The following WDPCP variants were observed in gnomAD, a reference collection of about 807,000 sequenced individuals.
The protein encoded by WDPCP is WD repeat containing planar cell polarity effector, also known as WD repeat-containing and planar cell polarity effector protein fritz homolog.
WDPCP carries 71 observed loss-of-function variants against 93.1 expected under a neutral mutation model. The observed-to-expected ratio is 0.76, with a 90% CI of 0.63 to 0.93. The LOEUF is 0.93. Among genes scored for constraint, WDPCP ranks in the 40% least tolerant of loss-of-function variants. The pLI is 0.00. For missense variants in WDPCP, 844 were observed against 887.4 expected (o/e 0.95, Z 0.62); for synonymous variants, 315 against 315.0 (o/e 1.00, Z 0.00).
At chr2:63,572,882 T>C (rs1707635640) in intron 1 of WDPCP, among the ~76,000 whole-genome samples, 1 of 151,854 alleles carries the variant, frequency 6.6e-6, no homozygotes, top group African/African-American at 2.4e-5. Context: ...AAATCTGATA[T>C]ACAAAGTTCT....
chr2:63,289,104 C>T (rs1684223511), intron 13 of WDPCP, among the ~76,000 whole-genome samples: 4 of 152,046 alleles, frequency 2.6e-5, no homozygotes. Context: ...AAAGTTATTC[C>T]TTTTCCCTTT....
chr2:63,412,568 T>C (rs1270652971), intron 9 of WDPCP, among the ~76,000 whole-genome samples: 1 of 152,066 alleles, frequency 6.6e-6, no homozygotes, highest in Non-Finnish European at 1.5e-5. Flanking sequence ...AGCAACCAAA[T>C]TGGTAAAGAG....
intron 8 of WDPCP, among the ~76,000 whole-genome samples, chr2:63,437,211 G>A (rs751079344): frequency 5.9e-5 from 9 of 151,860 alleles, no homozygotes; most frequent in Non-Finnish European, 1.2e-4. Flanking sequence ...TGCTCCAAAC[G>A]TGCCATTGTT....
chr2:63,708,666 T>A (rs1669209549), intron 2 of WDPCP, among the ~76,000 whole-genome samples: 1 of 152,122 alleles, frequency 6.6e-6, no homozygotes. Context: ...CCCAGTGAGA[T>A]GAACCCGGTA....
intron 17 of WDPCP, among the ~76,000 whole-genome samples, chr2:63,146,491 G>A (rs972536343): frequency 6.8e-6 from 1 of 146,438 alleles, no homozygotes; most frequent in Admixed American, 7.1e-5. Flanking sequence ...TGTAATCTCT[G>A]CCTCCGCCTC....
intron 14 of WDPCP, among the ~76,000 whole-genome samples, chr2:63,207,118 T>C (rs1466817667): frequency 3.9e-5 from 6 of 152,304 alleles, no homozygotes; most frequent in African/African-American, 1.4e-4. Flanking sequence ...GTTTTAAATG[T>C]AGATGTATTT....
intron 3 of WDPCP, chr2:63,643,452 AG>A: frequency 3.0e-6 from 1 of 331,580 alleles, no homozygotes; most frequent in Non-Finnish European, 5.9e-6. Flanking sequence ...GAAAAGATCC[AG>A]GATGTCTCTC....
At chr2:63,246,871 A>G (rs902753742) in intron 14 of WDPCP, among the ~76,000 whole-genome samples, 4 of 152,204 alleles carry the variant, frequency 2.6e-5, no homozygotes, top group African/African-American at 9.6e-5. Context: ...TTCATTGACC[A>G]ATGGTGAAAT....
At chr2:63,759,076 C>T (rs1362071198) in intron 2 of WDPCP, among the ~76,000 whole-genome samples, 2 of 150,532 alleles carry the variant, frequency 1.3e-5, no homozygotes, top group Non-Finnish European at 3.0e-5. Context: ...GCACCATGCA[C>T]GGCCAAAAAA....
chr2:63,652,780 C>A (rs1710122652), intron 2 of WDPCP, among the ~76,000 whole-genome samples: 1 of 131,628 alleles, frequency 7.6e-6, no homozygotes, highest in African/African-American at 2.9e-5. Context: ...TTAAGTCCAA[C>A]TCAGTGTGGG....
chr2:63,645,603 T>C (rs1162957328), intron 3 of WDPCP, among the ~76,000 whole-genome samples: 1 of 152,204 alleles, frequency 6.6e-6, no homozygotes, highest in Non-Finnish European at 1.5e-5. Flanking sequence ...AAGTGGAGAG[T>C]TGAAGTCTCC....
chr2:63,332,200 G>C (rs943022462), intron 12 of WDPCP, among the ~76,000 whole-genome samples: 4 of 151,298 alleles, frequency 2.6e-5, no homozygotes, highest in Admixed American at 2.6e-4. Context: ...TGGTTAGAAT[G>C]TATAAATATA....
intron 9 of WDPCP, among the ~76,000 whole-genome samples, chr2:63,430,817 G>A (rs1696697702): frequency 6.6e-6 from 1 of 152,214 alleles, no homozygotes; most frequent in South Asian, 2.1e-4. Flanking sequence ...GGGAGGCGGA[G>A]ATTGCAGTGA....
upstream of WDPCP, among the ~76,000 whole-genome samples, chr2:63,828,314 C>G (rs1671142549): frequency 1.3e-5 from 2 of 152,128 alleles, no homozygotes; most frequent in South Asian, 4.1e-4. Flanking sequence ...TGGCTCAAAC[C>G]TCTGCTCCAA....
chr2:63,733,299 A>G (rs1242888703), intron 2 of WDPCP, among the ~76,000 whole-genome samples: 1 of 143,020 alleles, frequency 7.0e-6, no homozygotes, highest in Non-Finnish European at 1.5e-5. Flanking sequence ...TCCCGGGTTC[A>G]CGCCATTCTC....
chr2:63,202,608 G>GT (rs1341744696), intron 14 of WDPCP, among the ~76,000 whole-genome samples: 3 of 152,078 alleles, frequency 2.0e-5, no homozygotes, highest in Non-Finnish European at 2.9e-5. Flanking sequence ...TTGCAGCCCT[G>GT]TAACTTCTGC....
chr2:63,766,348 T>C (rs1415835706), intron 2 of WDPCP, among the ~76,000 whole-genome samples: 1 of 151,916 alleles, frequency 6.6e-6, no homozygotes, highest in African/African-American at 2.4e-5. Context: ...TTTTTTTTTT[T>C]AGACAGGATC....
rs1005895705 is a variant in WDPCP, at chr2:63,684,681, A to G, written n.309-33843T>C. The G allele has an allele frequency of 8.8e-6, 6 of 678,574 alleles. No homozygotes were observed. The African/African-American group carries it at 8.9e-5, about 10-fold the overall frequency. 42.0% of individuals were successfully genotyped at this position (678,574 alleles called of 1,614,324 possible). A position where few individuals can be genotyped will look rare whatever the true frequency, so the allele number is the denominator to read the frequency against. On this transcript the variant is annotated intron_variant and non_coding_transcript_variant, in intron 2 of 4. Transcript: ENST00000467687. ...TTTGAAGAGAGATACAAGATAGGCA[A>G]GAACAAGTGGTTCTTCCAGAAGCTG...
At chr2:63,358,647 G>A (rs1171966265) in intron 12 of WDPCP, among the ~76,000 whole-genome samples, 3 of 152,044 alleles carry the variant, frequency 2.0e-5, no homozygotes, top group African/African-American at 7.2e-5. Flanking sequence ...TGTAGAGATG[G>A]GGTCTCACTT....
Sources: allele counts gnomAD v4.1 joint callset (sites outside exome capture counted in the v4.1 genomes callset), GRCh38; gene constraint gnomAD v4.1.1; transcripts MANE v1.5; gene names NCBI Gene and HGNC (gene_info 2026-07-23, HGNC 2026-07-21).